GRIK1: variants seen among roughly 807,000 people sequenced by gnomAD.
GRIK1 encodes the protein glutamate receptor ionotropic, kainate 1.
In GRIK1, 69 loss-of-function variants were observed where a neutral mutation model predicts 105.7. The ratio of observed to expected loss-of-function variants is 0.65; its 90% CI spans 0.54 to 0.80. GRIK1 has a LOEUF of 0.80. GRIK1 is among the 30% of genes least tolerant of loss of function. GRIK1 has a pLI of 0.00. For missense variants in GRIK1, 1,109 were observed against 1,167.3 expected (o/e 0.95, Z 0.73); for synonymous variants, 438 against 431.3 (o/e 1.02, Z -0.19).
chr21:29,543,875 A>G (rs952388067), intron 16 of GRIK1, among the ~76,000 whole-genome samples: 4 of 152,210 alleles, frequency 2.6e-5, no homozygotes, highest in African/African-American at 9.7e-5. Flanking sequence ...CCCATGGGAA[A>G]TGACTCTCGA....
chr21:29,606,542 T>C (rs1417761750), intron 7 of GRIK1, among the ~76,000 whole-genome samples: 1 of 152,142 alleles, frequency 6.6e-6, no homozygotes, highest in Non-Finnish European at 1.5e-5. Flanking sequence ...CTTTCTTATG[T>C]TTGTGCTAGA....
rs139526426 is a variant in GRIK1 at position 29,555,808 on chromosome 21, G to A, written c.2357-506C>T. On this transcript the variant is annotated intron_variant, in intron 15 of 17. Transcript: ENST00000327783. ...AATTATAAACAGAACTGAAGGCCAT[G>A]CCAGACAAGGGTTAAGTCACACAGC... Among the ~76,000 whole-genome samples, 269 of 152,276 alleles carry A rather than the reference G, an allele frequency of 1.8e-3. 1 individual carries two copies. The highest frequency in any genetic ancestry group is 6.1e-3 in the African/African-American group (254 of 41,532).
At chr21:29,832,823 A>T (rs1309747578) in intron 1 of GRIK1, among the ~76,000 whole-genome samples, 2 of 151,984 alleles carry the variant, frequency 1.3e-5, no homozygotes, top group African/African-American at 4.8e-5. Flanking sequence ...AATTTCTGCA[A>T]CTCGCCTGGA....
chr21:29,742,331 A>G (rs1208969012), intron 1 of GRIK1, among the ~76,000 whole-genome samples: 1 of 152,222 alleles, frequency 6.6e-6, no homozygotes, highest in Non-Finnish European at 1.5e-5. Flanking sequence ...ATTAAGTAGA[A>G]AGAGAGAGAA....
At chr21:29,767,298 C>T (rs535712690) in intron 1 of GRIK1, among the ~76,000 whole-genome samples, 2 of 152,092 alleles carry the variant, frequency 1.3e-5, no homozygotes, top group Admixed American at 6.5e-5. Flanking sequence ...GTATGGATGT[C>T]GATTGTAGTA....
At chr21:29,867,115 T>C (rs146727272) in intron 1 of GRIK1, among the ~76,000 whole-genome samples, 30 of 152,254 alleles carry the variant, frequency 2.0e-4, no homozygotes, top group African/African-American at 6.5e-4. Context: ...TGGAAAACAC[T>C]CCATGTCTCT....
At chr21:29,751,795 T>C (rs1434929856) in intron 1 of GRIK1, among the ~76,000 whole-genome samples, 1 of 152,224 alleles carries the variant, frequency 6.6e-6, no homozygotes, top group Non-Finnish European at 1.5e-5. Flanking sequence ...GACCAGTTTG[T>C]TAATGACCTT....
chr21:29,743,687 T>A (rs1373416043), intron 1 of GRIK1, among the ~76,000 whole-genome samples: 1 of 152,072 alleles, frequency 6.6e-6, no homozygotes, highest in South Asian at 2.1e-4. Context: ...AGAGTGAGAC[T>A]CCATCTCAGA....
At chr21:29,646,446 G>A (rs183981630) in intron 6 of GRIK1, among the ~76,000 whole-genome samples, 3 of 152,082 alleles carry the variant, frequency 2.0e-5, no homozygotes, top group East Asian at 1.9e-4. Context: ...TTACTCTATC[G>A]TCTGTTGCTA....
rs1569174422 is a variant in GRIK1, at chr21:29,867,904, A to AGAGAG, written c.118+71478_118+71479insCTCTC. Among the ~76,000 whole-genome samples, 403 of 57,370 alleles carry AGAGAG rather than the reference A, an allele frequency of 7.0e-3. 2 individuals carry two copies. Among genetic ancestry groups the AGAGAG allele is most frequent in the Non-Finnish European group, 0.012 (323 of 25,900 alleles). The allele number at this position is 57,370 out of a possible 152,430, so 37.6% of individuals were successfully genotyped here. A position where few individuals can be genotyped will look rare whatever the true frequency, so the allele number is the denominator to read the frequency against. On this transcript the variant is annotated intron_variant, in intron 1 of 17. Transcript: ENST00000327783. ...AGAGAGAAAGAGAGAGAGAGAGAGA[A>AGAGAG]AGAAAGAGAGAGAAAGAGAGAAAGA...
intron 4 of GRIK1, chr21:29,657,518 T>C (rs1244769946): frequency 6.6e-6 from 1 of 152,180 alleles, no homozygotes; most frequent in African/African-American, 2.4e-5. Flanking sequence ...AGGTACACAT[T>C]TTATTTGCTG....
intron 14 of GRIK1, 25 bp from the exon 15 acceptor site, chr21:29,561,874 C>T (rs980311844): frequency 2.1e-6 from 3 of 1,400,248 alleles, no homozygotes; most frequent in South Asian, 2.3e-5. Context: ...AACACACTCA[C>T]CAGCAGAAGA....
chr21:29,754,921 T>C (rs1166734807), intron 1 of GRIK1, among the ~76,000 whole-genome samples: 1 of 152,222 alleles, frequency 6.6e-6, no homozygotes, highest in East Asian at 1.9e-4. Flanking sequence ...CACAGTCATG[T>C]AGGCCAATTC....
intron 1 of GRIK1, among the ~76,000 whole-genome samples, chr21:29,919,011 C>T (rs965803977): frequency 6.6e-5 from 10 of 151,708 alleles, no homozygotes; most frequent in African/African-American, 2.4e-4. Context: ...TCTAAGCTAC[C>T]AGCAATGTAT....
intron 1 of GRIK1, among the ~76,000 whole-genome samples, chr21:29,749,655 A>G (rs1472849721): frequency 6.6e-6 from 1 of 152,258 alleles, no homozygotes; most frequent in Non-Finnish European, 1.5e-5. Context: ...CATGTGCAGC[A>G]TTTGACCGAG....
In GRIK1 at chr21:29,582,702, G is replaced by A. The variant is rs2091048799; in HGVS notation, c.1794-1159C>T. Among the ~76,000 whole-genome samples the A allele has an allele frequency of 2.0e-5, 3 of 152,218 alleles. No individual in the cohort carries two copies. The South Asian group carries it at 6.2e-4, about 32-fold the overall frequency. On this transcript the variant is annotated intron_variant, in intron 12 of 17. Transcript: ENST00000327783. ...TACTTATTTTTCCAAAAAGACATTA[G>A]CAGAAGCTCAACGAAGTGATCTGCA...
At chr21:29,742,562 A>G (rs1601580125) in intron 1 of GRIK1, among the ~76,000 whole-genome samples, 1 of 152,246 alleles carries the variant, frequency 6.6e-6, no homozygotes, top group South Asian at 2.1e-4. Flanking sequence ...GGTTCAGTAA[A>G]CATATGGACT....
At chr21:29,636,756 G>A (rs1344170926) in intron 7 of GRIK1, among the ~76,000 whole-genome samples, 1 of 152,144 alleles carries the variant, frequency 6.6e-6, no homozygotes, top group East Asian at 1.9e-4. Context: ...TGGTTTACCT[G>A]CTTCAATCAT....
At position 29,674,287 on chromosome 21, in the gene GRIK1, TTG is replaced by T. The variant is rs58544191; in HGVS notation, c.545-1125_545-1124del. Among the ~76,000 whole-genome samples the T allele has an allele frequency of 8.7e-3, 1,257 of 145,180 alleles. 4 individuals are homozygous for T. Among genetic ancestry groups the T allele is most frequent in the Non-Finnish European group, 0.014 (910 of 65,730 alleles). On this transcript the variant is annotated intron_variant, in intron 3 of 17. Transcript: ENST00000327783. ...TTTTTTTTTTTACCAGAAGTTACAT[TTG>T]TGTGTGTGTGTGTGTGTGTGTGTGG...
Sources: allele counts gnomAD v4.1 joint callset (sites outside exome capture counted in the v4.1 genomes callset), GRCh38; gene constraint gnomAD v4.1.1; transcripts MANE v1.5; gene names NCBI Gene and HGNC (gene_info 2026-07-23, HGNC 2026-07-21).